Variants in NRXN3 observed in about 807,000 individuals in gnomAD.
NRXN3 encodes the protein neurexin III.
In NRXN3, 32 loss-of-function variants were observed where a neutral mutation model predicts 137.6. The observed-to-expected ratio is 0.23, with a 90% CI of 0.18 to 0.31. The LOEUF is 0.31. Ranked by LOEUF, NRXN3 falls within the 10% of genes least tolerant of loss-of-function variation. The pLI, the probability that NRXN3 is intolerant of heterozygous loss-of-function variation, is 1.00. For synonymous variants in NRXN3, 798 were observed against 784.5 expected (o/e 1.02, Z -0.29); for missense variants, 1,574 against 2,062.5 (o/e 0.76, Z 4.59).
At chr14:78,310,602 A>G (rs752215741) in intron 4 of NRXN3, among the ~76,000 whole-genome samples, 6 of 152,066 alleles carry the variant, frequency 3.9e-5, no homozygotes, top group Non-Finnish European at 8.8e-5. Context: ...CTGCAGTTCT[A>G]AACTAATTGA....
chr14:78,441,210 C>A (rs4899711), intron 4 of NRXN3, among the ~76,000 whole-genome samples: 42,102 of 152,074 alleles, frequency 0.28, 7,352 homozygotes, highest in Non-Finnish European at 0.37. Flanking sequence ...TTCTGCTTCC[C>A]CCTGTGACAT....
chr14:79,221,516 AT>A (rs200440281), intron 15 of NRXN3, among the ~76,000 whole-genome samples: 4,174 of 152,072 alleles, frequency 0.027, 137 homozygotes, highest in South Asian at 0.086. Flanking sequence ...GATGATGAGC[AT>A]TTTTTCATGT....
chr14:79,673,987 C>T (rs771279566), intron 17 of NRXN3, among the ~76,000 whole-genome samples: 7 of 152,020 alleles, frequency 4.6e-5, no homozygotes, highest in African/African-American at 1.7e-4. Flanking sequence ...AGCTCCCGTA[C>T]GCTGCCCTAT....
intron 1 of NRXN3, among the ~76,000 whole-genome samples, chr14:78,203,631 A>G (rs1460995940): frequency 1.3e-5 from 2 of 152,170 alleles, no homozygotes; most frequent in Non-Finnish European, 2.9e-5. Context: ...TCCTTCACCA[A>G]TCTGATAAGG....
At chr14:78,920,848 G>A (rs1252936248) in intron 10 of NRXN3, among the ~76,000 whole-genome samples, 1 of 152,150 alleles carries the variant, frequency 6.6e-6, no homozygotes, top group Non-Finnish European at 1.5e-5. Context: ...TGAGGAAGAG[G>A]ACCCAGAGCA....
intron 15 of NRXN3, among the ~76,000 whole-genome samples, chr14:79,267,136 T>C (rs1423562704): frequency 1.3e-5 from 2 of 152,190 alleles, no homozygotes; most frequent in South Asian, 2.1e-4. Context: ...AAAGTAGGCA[T>C]GTTGACACGT....
At chr14:79,314,851 G>A (rs940275030) in intron 15 of NRXN3, among the ~76,000 whole-genome samples, 1 of 150,138 alleles carries the variant, frequency 6.7e-6, no homozygotes, top group Non-Finnish European at 1.5e-5. Flanking sequence ...TGCAGCTGAG[G>A]GTCCTGTCTG....
At chr14:79,333,042 G>A (rs1336581960) in intron 15 of NRXN3, among the ~76,000 whole-genome samples, 1 of 152,040 alleles carries the variant, frequency 6.6e-6, no homozygotes, top group Non-Finnish European at 1.5e-5. Flanking sequence ...CCCCTGCTGT[G>A]TGCAAAGCTC....
chr14:79,148,134 T>C (rs542843629), intron 15 of NRXN3, among the ~76,000 whole-genome samples: 1 of 152,252 alleles, frequency 6.6e-6, no homozygotes, highest in South Asian at 2.1e-4. Flanking sequence ...ACTTTCATTT[T>C]AGGAAGGAGG....
At chr14:78,792,602 A>G (rs1173205219) in intron 8 of NRXN3, among the ~76,000 whole-genome samples, 1 of 152,240 alleles carries the variant, frequency 6.6e-6, no homozygotes, top group Non-Finnish European at 1.5e-5. Context: ...TTAAGTTGTA[A>G]GAAAACTACA....
At chr14:78,882,698 C>T (rs2099132599) in intron 10 of NRXN3, among the ~76,000 whole-genome samples, 1 of 151,598 alleles carries the variant, frequency 6.6e-6, no homozygotes, top group African/African-American at 2.4e-5. Context: ...AAGGACTTGC[C>T]TTGTCTCGGA....
In NRXN3 at chr14:78,645,303, C is replaced by A; in HGVS notation, c.941C>A (p.Ala314Glu). The stretch of plus-strand genomic sequence containing the variant: ...GTCAACCTGGCTCTGAAGGATGGTG[C>A]GGTCTCCTTGGTCATTAACCTGGGG... ...DYVNLALKDG[A>E]VSLVINLGSG... Residue 314 changes from alanine to glutamate, a missense_variant, in exon 5 of 21, where the codon GCG becomes GAG. Coordinates refer to ENST00000335750, the MANE Select transcript of NRXN3 (RefSeq NM_001330195.2). The A allele has an allele frequency of 6.3e-7, 1 of 1,598,770 alleles. No homozygotes were observed. Among genetic ancestry groups the A allele is most frequent in the Non-Finnish European group, 8.5e-7 (1 of 1,179,744 alleles).
At chr14:79,044,245 G>A (rs147077173) in intron 15 of NRXN3, among the ~76,000 whole-genome samples, 181 of 151,950 alleles carry the variant, frequency 1.2e-3, no homozygotes, top group African/African-American at 4.3e-3. Context: ...TTTAGTGACC[G>A]ATTGTCCCCA....
chr14:79,772,980 C>T (rs1445752189), intron 19 of NRXN3, among the ~76,000 whole-genome samples: 1 of 152,128 alleles, frequency 6.6e-6, no homozygotes, highest in African/African-American at 2.4e-5. Flanking sequence ...TATGAACAGA[C>T]ACTTCTCAAA....
chr14:78,647,356 T>C (rs546634265), intron 5 of NRXN3, among the ~76,000 whole-genome samples: 1 of 152,362 alleles, frequency 6.6e-6, no homozygotes, highest in South Asian at 2.1e-4. Flanking sequence ...TTGACCTTTC[T>C]CCACCACAGT....
rs144938181 is a variant in NRXN3, at chr14:78,599,935, G to C, written c.758-45185G>C. On this transcript the variant is annotated intron_variant, in intron 4 of 20. Transcript: ENST00000335750. ...TGGGCCAGGTGATAGGCAGAATAAA[G>C]TGACTTAAGAAATTTCTGGAAGCAC... 2.5e-3 allele frequency among the ~76,000 whole-genome samples: 374 copies of C among 152,236 alleles called. 2 individuals are homozygous for C. Among genetic ancestry groups the C allele is most frequent in the African/African-American group, 8.6e-3 (357 of 41,530 alleles).
At chr14:78,786,128 A>G (rs900231283) in intron 8 of NRXN3, among the ~76,000 whole-genome samples, 4 of 152,212 alleles carry the variant, frequency 2.6e-5, no homozygotes, top group African/African-American at 4.8e-5. Flanking sequence ...TCCACAAGGT[A>G]GGAAATTTGT....
intron 4 of NRXN3, among the ~76,000 whole-genome samples, chr14:78,345,888 A>G (rs2082676397): frequency 6.6e-6 from 1 of 152,192 alleles, no homozygotes; most frequent in Non-Finnish European, 1.5e-5. Flanking sequence ...TTTCTGTAGC[A>G]TCAGGTCCCT....
chr14:78,750,525 C>T (rs1376398549), intron 8 of NRXN3, among the ~76,000 whole-genome samples: 1 of 152,064 alleles, frequency 6.6e-6, no homozygotes, highest in Admixed American at 6.5e-5. Context: ...ATTAAGGCTA[C>T]AATAAGGCAA....
Sources: allele counts gnomAD v4.1 joint callset (sites outside exome capture counted in the v4.1 genomes callset), GRCh38; gene constraint gnomAD v4.1.1; transcripts MANE v1.5; gene names NCBI Gene and HGNC (gene_info 2026-07-23, HGNC 2026-07-21).